Variants in TMEM164 observed in about 807,000 individuals in gnomAD.
TMEM164 encodes the protein RP13-360B22.2.
TMEM164 carries 4 observed loss-of-function variants against 18.8 expected under a neutral mutation model. The ratio of observed to expected loss-of-function variants is 0.21; its 90% CI spans 0.10 to 0.49. The LOEUF is 0.49. Among genes scored for constraint, TMEM164 ranks in the 20% least tolerant of loss-of-function variants. The pLI, the probability that TMEM164 is intolerant of heterozygous loss-of-function variation, is 0.98. For missense variants in TMEM164, 108 were observed against 239.9 expected, an observed-to-expected ratio of 0.45 and a Z score of 3.63; for synonymous variants, 86 against 101.7, an observed-to-expected ratio of 0.85 and a Z score of 0.93.
At chrX:110,079,433 C>A (rs1436537069) in intron 3 of TMEM164, among the ~76,000 whole-genome samples, 1 of 112,164 alleles carries the variant, frequency 8.9e-6, no homozygotes, top group Admixed American at 9.5e-5. Context: ...TTGACCGGAC[C>A]ACTTTCATTG....
chrX:110,079,872 C>G (rs962607288), intron 3 of TMEM164, among the ~76,000 whole-genome samples: 2 of 109,170 alleles, frequency 1.8e-5, no homozygotes, highest in East Asian at 5.8e-4. Context: ...GGAGATATAC[C>G]TAATGCTAAA....
chrX:110,149,858 A>G (rs752336345), intron 5 of TMEM164, among the ~76,000 whole-genome samples: 13 of 111,550 alleles, frequency 1.2e-4, no homozygotes, highest in African/African-American at 2.3e-4. Context: ...GCAGCATCCA[A>G]TCACCCCAGC....
At chrX:110,056,590 A>G (rs989515845) in intron 2 of TMEM164, among the ~76,000 whole-genome samples, 2 of 111,866 alleles carry the variant, frequency 1.8e-5, no homozygotes, top group African/African-American at 6.5e-5. Flanking sequence ...TGATAACTCT[A>G]TGTTTAACCT....
At chrX:110,172,888 C>T (rs1266151649) in intron 6 of TMEM164, among the ~76,000 whole-genome samples, 3 of 112,110 alleles carry the variant, frequency 2.7e-5, no homozygotes, top group East Asian at 2.8e-4. Flanking sequence ...ATTGCAGTTA[C>T]GTGGAGGCAG....
At chrX:110,081,851 T>C (rs181712003) in intron 3 of TMEM164, among the ~76,000 whole-genome samples, 1 of 112,161 alleles carries the variant, frequency 8.9e-6, no homozygotes, top group Admixed American at 9.5e-5. Context: ...CAGCATGTTC[T>C]TCCTGGAGGC....
At chrX:110,080,925 G>A (rs971594272) in intron 3 of TMEM164, among the ~76,000 whole-genome samples, 5 of 95,336 alleles carry the variant, frequency 5.2e-5, no homozygotes, top group Non-Finnish European at 8.1e-5. Context: ...TTGTAGAGAC[G>A]GAGTCTCATT....
intron 4 of TMEM164, among the ~76,000 whole-genome samples, chrX:110,113,186 C>T (rs1440371295): frequency 8.9e-6 from 1 of 112,476 alleles, no homozygotes. Flanking sequence ...CCTCTCCTGA[C>T]ATTGAAACTT....
intron 2 of TMEM164, among the ~76,000 whole-genome samples, chrX:110,036,795 T>G (rs1005721331): frequency 8.0e-5 from 9 of 112,077 alleles, no homozygotes; most frequent in African/African-American, 2.9e-4. Flanking sequence ...GAAGTTTATG[T>G]GATGATGGAA....
In TMEM164 at chrX:110,175,083, C is replaced by G. The variant is rs1266506173; in HGVS notation, c.*1632C>G. ...CTTGGGGAGCAGGAGGGGAGGGCAC[C>G]AAGTGCTCTTACTCTCCTGAGCTCC... On this transcript the variant is annotated 3_prime_UTR_variant, in exon 7 of 7. Coordinates refer to ENST00000372068, the MANE Select transcript of TMEM164 (RefSeq NM_032227.4). The G allele has an allele frequency of 8.9e-6, 1 of 112,375 alleles. No homozygotes were observed. Among genetic ancestry groups the G allele is most frequent in the Non-Finnish European group, 1.9e-5 (1 of 53,219 alleles). 9.3% of individuals were successfully genotyped at this position (112,375 alleles called of 1,213,427 possible).
At chrX:110,063,517 G>A (rs1225442386) in intron 2 of TMEM164, among the ~76,000 whole-genome samples, 2 of 111,250 alleles carry the variant, frequency 1.8e-5, no homozygotes, top group Admixed American at 9.5e-5. Flanking sequence ...AACCAGAGAG[G>A]TTCGCAGGTA....
chrX:110,142,167 A>T (rs1186461065), intron 4 of TMEM164, among the ~76,000 whole-genome samples: 1 of 112,219 alleles, frequency 8.9e-6, no homozygotes, highest in Non-Finnish European at 1.9e-5. Context: ...CTACTGTGTG[A>T]TGTGTGGCTG....
At chrX:110,144,762 T>G in intron 4 of TMEM164, 36 bp from the exon 5 acceptor site, 2 of 1,139,697 alleles carry the variant, frequency 1.8e-6, no homozygotes, top group Non-Finnish European at 2.4e-6. Flanking sequence ...GAATGCTTCC[T>G]GCTCTAAAAC....
chrX:110,141,438 G>T (rs1284015129), intron 4 of TMEM164, among the ~76,000 whole-genome samples: 1 of 112,124 alleles, frequency 8.9e-6, no homozygotes, highest in African/African-American at 3.2e-5. Flanking sequence ...CCATGTAGCT[G>T]GGGAGGCCTC....
At chrX:110,116,861 CGTGTGT>C (rs751272706) in intron 4 of TMEM164, among the ~76,000 whole-genome samples, 2 of 88,818 alleles carry the variant, frequency 2.3e-5, no homozygotes, top group African/African-American at 4.3e-5. Context: ...TGCGCGTGTG[CGTGTGT>C]GTGTGTGTGG....
At chrX:110,108,134 T>C (rs1402172213) in intron 3 of TMEM164, among the ~76,000 whole-genome samples, 6 of 70,861 alleles carry the variant, frequency 8.5e-5, no homozygotes, top group Non-Finnish European at 1.5e-4. Flanking sequence ...GTGATTGAGA[T>C]TGACATCAAC....
intron 2 of TMEM164, among the ~76,000 whole-genome samples, chrX:110,051,596 AGAAAG>A (rs1935562972): frequency 1.8e-5 from 2 of 108,972 alleles, no homozygotes; most frequent in Admixed American, 9.8e-5. Context: ...AAAAAAAAAA[AGAAAG>A]AAAGAAAGAA....
chrX:110,099,591 T>A (rs1468011694), intron 3 of TMEM164, among the ~76,000 whole-genome samples: 1 of 112,701 alleles, frequency 8.9e-6, no homozygotes, highest in Non-Finnish European at 1.9e-5. Context: ...TGGGCAATAC[T>A]GCATTGTTTC....
At chrX:110,040,427 C>T (rs768750236) in intron 2 of TMEM164, among the ~76,000 whole-genome samples, 1 of 111,577 alleles carries the variant, frequency 9.0e-6, no homozygotes, top group South Asian at 3.8e-4. Flanking sequence ...GTCATGGTCT[C>T]CCTTGATCTA....
chrX:110,041,172 T>C (rs763665248), intron 2 of TMEM164, among the ~76,000 whole-genome samples: 1 of 112,226 alleles, frequency 8.9e-6, no homozygotes, highest in Admixed American at 9.4e-5. Context: ...GCCAATTTGA[T>C]TTTCCACAGT....
Sources: allele counts gnomAD v4.1 joint callset (sites outside exome capture counted in the v4.1 genomes callset), GRCh38; gene constraint gnomAD v4.1.1; transcripts MANE v1.5; gene names NCBI Gene and HGNC (gene_info 2026-07-23, HGNC 2026-07-21).